Variants in SLCO6A1 observed in about 807,000 individuals in gnomAD.
The protein encoded by SLCO6A1 is solute carrier organic anion transporter family member 6A1.
In SLCO6A1, 65 loss-of-function variants were observed where a neutral mutation model predicts 72.7. The observed-to-expected ratio is 0.89, with a 90% CI of 0.73 to 1.10. The LOEUF is 1.10. Among genes scored for constraint, SLCO6A1 ranks in the 50% least tolerant of loss-of-function variants. The probability of loss-of-function intolerance (pLI) is 0.00; values close to 1 mark genes in which losing one functional copy is unlikely to be tolerated. For synonymous variants in SLCO6A1, 314 were observed against 298.2 expected, an observed-to-expected ratio of 1.05 and a Z score of -0.55; for missense variants, 874 against 872.6, an observed-to-expected ratio of 1.00 and a Z score of -0.02.
chr5:102,471,279 G>T (rs1307157036), intron 4 of SLCO6A1, among the ~76,000 whole-genome samples: 1 of 151,936 alleles, frequency 6.6e-6, no homozygotes, highest in Non-Finnish European at 1.5e-5. Context: ...TTCCAGTCTT[G>T]CTCTAAGTCT....
chr5:102,424,786 C>A (rs1031069935), intron 7 of SLCO6A1, among the ~76,000 whole-genome samples: 1 of 152,118 alleles, frequency 6.6e-6, no homozygotes, highest in African/African-American at 2.4e-5. Context: ...CCAGCATCAT[C>A]CAGATACCAA....
At chr5:102,484,767 T>G (rs1752367777) in intron 1 of SLCO6A1, among the ~76,000 whole-genome samples, 1 of 152,204 alleles carries the variant, frequency 6.6e-6, no homozygotes, top group Admixed American at 6.5e-5. Context: ...CATCAGAAAT[T>G]TTTTTAAAAA....
chr5:102,469,009 A>G (rs1485116026), intron 4 of SLCO6A1, among the ~76,000 whole-genome samples: 2 of 152,030 alleles, frequency 1.3e-5, no homozygotes, highest in Non-Finnish European at 2.9e-5. Context: ...GTTCTGTTCC[A>G]TTGGTCTATA....
intron 2 of SLCO6A1, among the ~76,000 whole-genome samples, chr5:102,478,809 C>T (rs776735011): frequency 6.6e-5 from 10 of 152,096 alleles, no homozygotes; most frequent in Non-Finnish European, 1.2e-4. Flanking sequence ...GTGCAGATTG[C>T]AATACAGTAT....
At chr5:102,451,232 G>C (rs758294821) in intron 6 of SLCO6A1, among the ~76,000 whole-genome samples, 1 of 152,140 alleles carries the variant, frequency 6.6e-6, no homozygotes, top group Non-Finnish European at 1.5e-5. Context: ...AGGCCTGTCC[G>C]TTACCTCTGG....
intron 9 of SLCO6A1, 82 bp from the exon 10 acceptor site, chr5:102,399,824 C>T (rs1747303339): frequency 2.1e-6 from 2 of 963,226 alleles, no homozygotes; most frequent in Non-Finnish European, 3.0e-6. Flanking sequence ...AAAATTAAAT[C>T]AATAACTGCA....
intron 9 of SLCO6A1, among the ~76,000 whole-genome samples, 174 bp from the exon 10 acceptor site, chr5:102,399,916 A>G (rs1338777766): frequency 6.7e-6 from 1 of 150,136 alleles, no homozygotes; most frequent in Non-Finnish European, 1.5e-5. Flanking sequence ...TTAATGATAA[A>G]TCCAAGGTAT....
intron 7 of SLCO6A1, among the ~76,000 whole-genome samples, chr5:102,429,336 T>C (rs1338416862): frequency 2.0e-5 from 3 of 152,238 alleles, no homozygotes; most frequent in African/African-American, 7.2e-5. Flanking sequence ...CTTTTACTTT[T>C]GTTGCAATGG....
chr5:102,393,305 T>C (rs759354150), intron 10 of SLCO6A1, among the ~76,000 whole-genome samples: 3 of 152,134 alleles, frequency 2.0e-5, no homozygotes, highest in African/African-American at 7.2e-5. Context: ...CAAAGAAAAT[T>C]TAAAATGGTC....
chr5:102,485,293 T>A (rs1014784085), intron 1 of SLCO6A1, among the ~76,000 whole-genome samples: 2 of 119,702 alleles, frequency 1.7e-5, no homozygotes, highest in Non-Finnish European at 3.4e-5. Context: ...AATAAATAAA[T>A]AAAATAAAAT....
chr5:102,420,135 C>T, intron 7 of SLCO6A1, 114 bp from the exon 8 acceptor site: 3 of 901,384 alleles, frequency 3.3e-6, no homozygotes, highest in Non-Finnish European at 4.8e-6. Flanking sequence ...TGTATTTAAA[C>T]TAAAAGACAG....
At chr5:102,416,757 T>A (rs10479216) in intron 8 of SLCO6A1, among the ~76,000 whole-genome samples, 2 of 151,930 alleles carry the variant, frequency 1.3e-5, no homozygotes, top group Non-Finnish European at 2.9e-5. Flanking sequence ...AAAAATGTAC[T>A]GAGATTGGTT....
intron 12 of SLCO6A1, among the ~76,000 whole-genome samples, chr5:102,383,352 T>C (rs1159003861): frequency 6.6e-6 from 1 of 151,734 alleles, no homozygotes; most frequent in East Asian, 1.9e-4. Flanking sequence ...ATATTTGCTT[T>C]ATTGTGTTAA....
intron 6 of SLCO6A1, among the ~76,000 whole-genome samples, chr5:102,444,356 G>A (rs1749998162): frequency 6.6e-6 from 1 of 152,078 alleles, no homozygotes; most frequent in Admixed American, 6.5e-5. Context: ...AATCAAGTTT[G>A]CATGGCAGAA....
intron 12 of SLCO6A1, among the ~76,000 whole-genome samples, chr5:102,384,460 T>G (rs1159566926): frequency 6.6e-6 from 1 of 152,032 alleles, no homozygotes; most frequent in Non-Finnish European, 1.5e-5. Context: ...TTTTTTTTTG[T>G]AGTGGCAGTA....
rs1309831338 is a variant in SLCO6A1 at position 102,498,822 on chromosome 5, T to A, written c.23A>T (p.His8Leu). 3 of 1,611,474 alleles carry A rather than the reference T, an allele frequency of 1.9e-6. No homozygotes were observed. In the African/African-American group the frequency reaches 4.0e-5, roughly 22 times the overall value. The change falls in exon 1 of 14, where the codon CAC becomes CTC. Residue 8 changes from histidine to leucine, a missense_variant. Transcript: ENST00000506729. ...TGAGACTTCATCCTGGCTCCCAGAG[T>A]GCCGGGCGACGCCTACGAACATGGC... is the stretch of plus-strand genomic sequence containing the variant. MFVGVAR[H>L]SGSQDEVSRG...
intron 6 of SLCO6A1, among the ~76,000 whole-genome samples, chr5:102,440,180 C>T (rs1286635614): frequency 6.6e-6 from 1 of 152,150 alleles, no homozygotes; most frequent in Non-Finnish European, 1.5e-5. Context: ...AACAAGCCTT[C>T]AGATGGTTCC....
chr5:102,411,739 T>A (rs1747994623), intron 9 of SLCO6A1, among the ~76,000 whole-genome samples: 1 of 152,100 alleles, frequency 6.6e-6, no homozygotes, highest in African/African-American at 2.4e-5. Flanking sequence ...TGGCATAACA[T>A]TAGGTGACAA....
intron 9 of SLCO6A1, among the ~76,000 whole-genome samples, chr5:102,409,130 C>T (rs556526858): frequency 6.1e-4 from 93 of 152,130 alleles, no homozygotes; most frequent in South Asian, 1.5e-3. Flanking sequence ...AAGAAGAATA[C>T]GTGTGGTTCT....
Sources: allele counts gnomAD v4.1 joint callset (sites outside exome capture counted in the v4.1 genomes callset), GRCh38; gene constraint gnomAD v4.1.1; transcripts MANE v1.5; gene names NCBI Gene and HGNC (gene_info 2026-07-23, HGNC 2026-07-21).